The following PLCH1 variants were observed in gnomAD, a reference collection of about 807,000 sequenced individuals.
PLCH1 encodes 1-phosphatidylinositol 4,5-bisphosphate phosphodiesterase eta-1.
PLCH1 carries 60 observed loss-of-function variants against 126.7 expected under a neutral mutation model. The ratio of observed to expected loss-of-function variants is 0.47; its 90% CI spans 0.38 to 0.59. The LOEUF is 0.59. Ranked by LOEUF, PLCH1 falls within the 20% of genes least tolerant of loss-of-function variation. The pLI is 0.00. For missense variants in PLCH1, 1,723 were observed against 2,040.0 expected, an observed-to-expected ratio of 0.84 and a Z score of 2.99; for synonymous variants, 719 against 734.9, an observed-to-expected ratio of 0.98 and a Z score of 0.35.
intron 10 of PLCH1, among the ~76,000 whole-genome samples, chr3:155,541,979 C>T (rs1025481942): frequency 2.0e-5 from 3 of 152,230 alleles, no homozygotes; most frequent in Admixed American, 2.0e-4. Flanking sequence ...GTGATTTCTG[C>T]ACTTCCATCT....
rs535908017 is a variant in PLCH1 at position 155,537,202 on chromosome 3, C to CAAAAAAAAAAAAAAAAA, written c.1362+12568_1362+12584dup. On this transcript the variant is annotated intron_variant, in intron 10 of 22. Coordinates refer to ENST00000460012, the MANE Select transcript of PLCH1 (RefSeq NM_014996.4). Reference sequence around the variant, plus strand: ...CTAGCACTACAAAAAAAAAAAAAACCAAAAAAAAAAAAAAAAAAAAAAAAA... The same window carrying CAAAAAAAAAAAAAAAAA: ...CTAGCACTACAAAAAAAAAAAAAACCAAAAAAAAAAAAAAAAAAAAAAAAAAAAAAAAAAAAAAAAAA... Among the ~76,000 whole-genome samples, 41 of 10,404 alleles carry CAAAAAAAAAAAAAAAAA rather than the reference C, an allele frequency of 3.9e-3. 2 individuals are homozygous for CAAAAAAAAAAAAAAAAA. The highest frequency in any genetic ancestry group is 0.12 in the Middle Eastern group (1 of 8). The allele number at this position is 10,404 out of a possible 152,430, so 6.8% of individuals were successfully genotyped here. A position where few individuals can be genotyped will look rare whatever the true frequency, so the allele number is the denominator to read the frequency against.
intron 2 of PLCH1, among the ~76,000 whole-genome samples, chr3:155,612,187 G>A (rs912495801): frequency 6.6e-6 from 1 of 152,038 alleles, no homozygotes; most frequent in African/African-American, 2.4e-5. Flanking sequence ...AAATTAGCCA[G>A]GCATAGTGGC....
chr3:155,542,101 C>T (rs149377488), intron 10 of PLCH1, among the ~76,000 whole-genome samples: 1,945 of 152,306 alleles, frequency 0.013, 23 homozygotes, highest in Middle Eastern at 0.041. Flanking sequence ...AATCGGGAAG[C>T]GCAAGGGGTC....
At chr3:155,502,601 A>C (rs1718062483) in intron 13 of PLCH1, among the ~76,000 whole-genome samples, 2 of 152,240 alleles carry the variant, frequency 1.3e-5, no homozygotes, top group Admixed American at 1.3e-4. Flanking sequence ...AAATGCAAAA[A>C]TTAGAAATAA....
At chr3:155,673,862 G>A (rs913807701) in intron 2 of PLCH1, among the ~76,000 whole-genome samples, 1 of 152,134 alleles carries the variant, frequency 6.6e-6, no homozygotes, top group Non-Finnish European at 1.5e-5. Flanking sequence ...CAAAGTTCTA[G>A]GTCAAAGTGT....
chr3:155,602,930 G>A (rs1428334008), intron 2 of PLCH1, among the ~76,000 whole-genome samples: 1 of 152,076 alleles, frequency 6.6e-6, no homozygotes, highest in Non-Finnish European at 1.5e-5. Flanking sequence ...CCTTTGAAAG[G>A]ACCAACAGGC....
At chr3:155,636,622 C>T (rs1738754156) in intron 2 of PLCH1, among the ~76,000 whole-genome samples, 1 of 151,950 alleles carries the variant, frequency 6.6e-6, no homozygotes, top group Non-Finnish European at 1.5e-5. Flanking sequence ...GTGGCTCACA[C>T]CTGTAATCCC....
At chr3:155,497,272 G>C in intron 15 of PLCH1, 48 bp downstream of exon 15, 1 of 1,259,904 alleles carries the variant, frequency 7.9e-7, no homozygotes, top group Non-Finnish European at 1.2e-6. Context: ...AAAAAGAAAG[G>C]TCAAGAATGT....
chr3:155,471,953 T>C lies in PLCH1; in HGVS notation c.2938+13403A>G, dbSNP rs534484654. ...GTGTGTAGAGTGAAATTTATAGCAC[T>C]AAATGCCCACAAGAGAAAGCAGGAA... On this transcript the variant is annotated intron_variant, in intron 21 of 21. Coordinates refer to the PLCH1 transcript ENST00000494598. 6.6e-3 allele frequency among the ~76,000 whole-genome samples: 1,006 copies of C among 151,970 alleles called. 9 individuals are homozygous for C. The highest frequency in any genetic ancestry group is 0.023 in the African/African-American group (960 of 41,422).
intron 2 of PLCH1, among the ~76,000 whole-genome samples, chr3:155,615,639 C>T (rs1220186857): frequency 6.6e-6 from 1 of 152,030 alleles, no homozygotes; most frequent in East Asian, 1.9e-4. Flanking sequence ...AGCTGGAGAC[C>T]ATTATTCTAA....
chr3:155,595,977 A>AATAT (rs10587508), intron 3 of PLCH1, among the ~76,000 whole-genome samples: 1,955 of 150,034 alleles, frequency 0.013, 48 homozygotes, highest in African/African-American at 0.045. Flanking sequence ...ATTCCAACTA[A>AATAT]ATATATATAT....
chr3:155,601,088 C>G (rs1733671313), intron 2 of PLCH1, among the ~76,000 whole-genome samples: 1 of 152,158 alleles, frequency 6.6e-6, no homozygotes, highest in Non-Finnish European at 1.5e-5. Flanking sequence ...CATTCTCCTG[C>G]CTCAGCCTCC....
chr3:155,485,261 T>A (rs1475667635), intron 22 of PLCH1, 95 bp downstream of exon 22: 1 of 750,206 alleles, frequency 1.3e-6, no homozygotes, highest in Non-Finnish European at 2.2e-6. Flanking sequence ...TATATTTTAC[T>A]TTGACTACAG....
intron 6 of PLCH1, among the ~76,000 whole-genome samples, chr3:155,576,131 A>G (rs1379874826): frequency 1.3e-5 from 2 of 152,212 alleles, no homozygotes; most frequent in African/African-American, 4.8e-5. Context: ...ATGGAACAAA[A>G]AAAACACTCA....
intron 1 of PLCH1, among the ~76,000 whole-genome samples, chr3:155,734,747 C>A (rs1376744110): frequency 6.9e-6 from 1 of 145,878 alleles, no homozygotes; most frequent in East Asian, 2.0e-4. Context: ...CTCGCTCTGT[C>A]GCCCAGGCTG....
At chr3:155,614,300 A>G (rs1735505348) in intron 2 of PLCH1, among the ~76,000 whole-genome samples, 2 of 152,212 alleles carry the variant, frequency 1.3e-5, no homozygotes, top group Admixed American at 6.5e-5. Context: ...AAAAAATCCT[A>G]AAACTCATAT....
intron 9 of PLCH1, among the ~76,000 whole-genome samples, chr3:155,551,684 CAAAAAAAA>C (rs35872401): frequency 0.059 from 5,109 of 87,138 alleles, 343 homozygotes; most frequent in African/African-American, 0.18. Flanking sequence ...AGCTCTCTAC[CAAAAAAAA>C]AAAAAAAAAA....
At chr3:155,743,673 C>T in intron 1 of PLCH1, 3 of 377,502 alleles carry the variant, frequency 7.9e-6, no homozygotes, top group Non-Finnish European at 1.5e-5. Context: ...ACCGCCTCTT[C>T]TGGGAAATCC....
intron 11 of PLCH1, among the ~76,000 whole-genome samples, chr3:155,522,290 A>G (rs918098724): frequency 2.0e-5 from 3 of 152,236 alleles, no homozygotes; most frequent in African/African-American, 7.2e-5. Flanking sequence ...TACCTAGAGG[A>G]GAAAAAAGCA....
Sources: gnomAD v4.1 joint callset for allele counts (sites outside exome capture counted in the v4.1 genomes callset) on GRCh38, gnomAD v4.1.1 for gene constraint, MANE v1.5 for transcripts, NCBI Gene and HGNC (gene_info 2026-07-23, HGNC 2026-07-21) for gene names.